The following MYBPC1 variants were observed in gnomAD, a reference collection of about 807,000 sequenced individuals.
The protein encoded by MYBPC1 is myosin-binding protein C, slow-type.
A neutral mutation model predicts 147.1 loss-of-function variants in MYBPC1; 52 were observed. The ratio of observed to expected loss-of-function variants is 0.35; its 90% confidence interval spans 0.28 to 0.45. The LOEUF is 0.45. MYBPC1 is among the 20% of genes least tolerant of loss of function. The probability of loss-of-function intolerance (pLI) is 1.00; values close to 1 mark genes in which losing one functional copy is unlikely to be tolerated. For synonymous variants in MYBPC1, 477 were observed against 475.9 expected (o/e 1.00, Z -0.03); for missense variants, 1,228 against 1,440.3 (o/e 0.85, Z 2.39).
In MYBPC1 at chr12:101,627,797, A is replaced by C; in HGVS notation, c.171A>C (p.Lys57Asn). 1 of 1,613,848 alleles carries C rather than the reference A, an allele frequency of 6.2e-7. No individual in the cohort carries two copies. The highest frequency in any genetic ancestry group is 1.1e-5 in the South Asian group (1 of 91,070). ...TGGGTAGTCGGGCCCTGGAGAGAAA[A>C]GATTCAGGTGAGCGCAAGCCCAGAG... ...PGLGSRALER[K>N]DSDWTLVETP... Residue 57 changes from lysine to asparagine, a missense_variant, in exon 5 of 32, where the codon AAA becomes AAC. By Grantham distance (94) the Lys-to-Asn change is moderately conservative (BLOSUM62 0). Around this residue, in one of 2 missense-constraint regions of MYBPC1, gnomAD observed 151 missense variants for 126.1 expected, o/e 1.20. Transcript: ENST00000361466.
chr12:101,633,365 A>C (rs949844643), intron 8 of MYBPC1, among the ~76,000 whole-genome samples: 27 of 152,130 alleles, frequency 1.8e-4, no homozygotes, highest in African/African-American at 6.3e-4. Flanking sequence ...AAAAGGTGGA[A>C]ATGATGAGGA....
At chr12:101,618,854 C>CGTGTGTGTGTGTGTGTGT (rs35811344) in intron 3 of MYBPC1, among the ~76,000 whole-genome samples, 1 of 136,798 alleles carries the variant, frequency 7.3e-6, no homozygotes, top group Non-Finnish European at 1.6e-5. Context: ...CAAAAACTGC[C>CGTGTGTGTGTGTGTGTGT]GTGTGTGTGT....
intron 10 of MYBPC1, among the ~76,000 whole-genome samples, chr12:101,641,617 C>T (rs1486729641): frequency 6.6e-6 from 1 of 152,138 alleles, no homozygotes; most frequent in Non-Finnish European, 1.5e-5. Context: ...GTGCCCTAAA[C>T]CATTTGCTTC....
At chr12:101,665,799 T>C (rs1369046683) in intron 22 of MYBPC1, among the ~76,000 whole-genome samples, 1 of 152,228 alleles carries the variant, frequency 6.6e-6, no homozygotes, top group African/African-American at 2.4e-5. Flanking sequence ...CACTTTCTCA[T>C]CCACTGTCTC....
chr12:101,622,728 C>T (rs1887709758), intron 3 of MYBPC1, among the ~76,000 whole-genome samples: 1 of 151,646 alleles, frequency 6.6e-6, no homozygotes, highest in African/African-American at 2.4e-5. Context: ...GAGTGAGACT[C>T]TGTCTAAAAA....
At chr12:101,655,342 G>A (rs1186504614) in intron 18 of MYBPC1, among the ~76,000 whole-genome samples, 4 of 152,018 alleles carry the variant, frequency 2.6e-5, no homozygotes. Context: ...AAATGTCTCA[G>A]ATAAAAAATA....
At position 101,642,555 on chromosome 12, in the gene MYBPC1, C is replaced by G. The variant is rs754912167; in HGVS notation, c.802C>G (p.Arg268Gly). The change falls in exon 11 of 32, where the codon CGC becomes GGC. Residue 268 changes from arginine (R) to glycine (G), a missense_variant. Transcript: ENST00000361466. The part of the protein sequence containing the change: ...DLRGMLKRLK[R>G]MRREEKKSAA... Reference sequence around the variant, plus strand: ...GCGCGGCATGCTCAAGCGACTCAAGCGCATGCGCAGAGAGGAGAAGAAGAG... The same window carrying G: ...GCGCGGCATGCTCAAGCGACTCAAGGGCATGCGCAGAGAGGAGAAGAAGAG... The G allele has an allele frequency of 6.2e-7, 1 of 1,612,756 alleles. No homozygotes were observed. Among genetic ancestry groups the G allele is most frequent in the Non-Finnish European group, 8.5e-7 (1 of 1,179,466 alleles).
chr12:101,683,412 C>T (rs577459700), intron 30 of MYBPC1, among the ~76,000 whole-genome samples: 24 of 151,914 alleles, frequency 1.6e-4, no homozygotes, highest in Non-Finnish European at 3.1e-4. Context: ...CAAAGTGAGA[C>T]TTTGTCTCAA....
At chr12:101,691,765 T>C in the MYBPC1 span, among the ~76,000 whole-genome samples, 1 of 152,270 alleles carries the variant, frequency 6.6e-6, no homozygotes, top group Non-Finnish European at 1.5e-5. Flanking sequence ...CCTGTGTGTC[T>C]GTAATCATTT....
At chr12:101,641,115 GAAAAAAAAAA>G (rs34380289) in intron 10 of MYBPC1, among the ~76,000 whole-genome samples, 2 of 105,964 alleles carry the variant, frequency 1.9e-5, no homozygotes, top group African/African-American at 7.2e-5. Flanking sequence ...CTGTCTCAAA[GAAAAAAAAAA>G]AAAAAAAAAG....
chr12:101,665,600 C>T (rs1897285207), intron 22 of MYBPC1, among the ~76,000 whole-genome samples: 1 of 152,140 alleles, frequency 6.6e-6, no homozygotes, highest in Non-Finnish European at 1.5e-5. Context: ...AAATAACTTA[C>T]ATGTTCCTTC....
chr12:101,694,940 T>C, the MYBPC1 span, among the ~76,000 whole-genome samples: 6 of 152,354 alleles, frequency 3.9e-5, no homozygotes, highest in East Asian at 7.7e-4. Context: ...CTTTTAGTTA[T>C]TGTACAGACA....
chr12:101,644,796 A>G lies in MYBPC1; in HGVS notation c.965A>G (p.Lys322Arg). ...GGTCAAGAAATTCGACCCAGTACCAAGTAAGTGGGCTTTGCAAAAATCAGT... is the reference window on the plus strand; with the variant it reads ...GGTCAAGAAATTCGACCCAGTACCAGGTAAGTGGGCTTTGCAAAAATCAGT... ...KNGQEIRPST[K>R]YIFEHKGCQR... is the part of the protein sequence containing the mutation. The change falls in exon 12 of 32, where the codon AAA (lysine) becomes AGA (arginine). Residue 322 changes from lysine to arginine, a missense_variant and splice_region_variant. This residue lies in a region of MYBPC1 where 1,077 missense variants were observed against 1,314.2 expected (regional missense o/e 0.82). Transcript: ENST00000361466. The G allele has an allele frequency of 3.1e-6, 5 of 1,613,738 alleles. No individual in the cohort carries two copies. The highest frequency in any genetic ancestry group is 4.2e-6 in the Non-Finnish European group (5 of 1,179,738).
intron 25 of MYBPC1, among the ~76,000 whole-genome samples, chr12:101,674,958 A>T (rs564699547): frequency 1.3e-5 from 2 of 152,064 alleles, no homozygotes; most frequent in South Asian, 4.2e-4. Flanking sequence ...ATTTCAGTAA[A>T]TTTGCTGAAA....
At position 101,678,232 on chromosome 12, in the gene MYBPC1, T is replaced by A; in HGVS notation, c.3240T>A (p.Asn1080Lys). Residue 1080 changes from asparagine to lysine, a missense_variant, in exon 28 of 32, where the codon AAT becomes AAA. Transcript: ENST00000361466. ...NATLNCSVRG[N>K]PKPKITWMKN... ...CCCTAAACTGCAGTGTGAGAGGAAA[T>A]CCTAAGGTACCATGTTCTTCTATCA... is the stretch of plus-strand genomic sequence containing the variant. 6.2e-7 allele frequency: 1 copy of A among 1,614,118 alleles called. No individual in the cohort carries two copies. Among genetic ancestry groups the A allele is most frequent in the Non-Finnish European group, 8.5e-7 (1 of 1,179,952 alleles).
chr12:101,607,623 TGTC>T (rs1287116033), intron 1 of MYBPC1, among the ~76,000 whole-genome samples: 1 of 152,208 alleles, frequency 6.6e-6, no homozygotes, highest in African/African-American at 2.4e-5. Context: ...TGTCTTCTTC[TGTC>T]TTTTTTATGC....
Position 101,653,194 on chromosome 12 carries a change from G to A in MYBPC1, c.1713G>A (p.Glu571=). The A allele has an allele frequency of 5.6e-6, 9 of 1,614,128 alleles. No homozygotes were observed. Among genetic ancestry groups the A allele is most frequent in the Non-Finnish European group, 7.6e-6 (9 of 1,180,040 alleles). Residue 571 remains glutamate (E), a synonymous_variant, in exon 18 of 32, where the codon GAG becomes GAA. Transcript: ENST00000361466. ...TTGCAGGAAACAAGCTTCGTCTTGAGATCCCCATCAGCGGAGAACCACCTC... is the reference window on the plus strand; with the variant it reads ...TTGCAGGAAACAAGCTTCGTCTTGAAATCCCCATCAGCGGAGAACCACCTC... ...TVIAGNKLRL[E]IPISGEPPPK... is the part of the protein sequence containing the mutation.
At chr12:101,666,583 A>AC in intron 22 of MYBPC1, 2 of 686,652 alleles carry the variant, frequency 2.9e-6, no homozygotes, top group South Asian at 1.6e-5. Context: ...CTCCTGAGGA[A>AC]CCCCCCTAAC....
At chr12:101,673,071 G>C (rs1411314626) in intron 24 of MYBPC1, among the ~76,000 whole-genome samples, 1 of 152,172 alleles carries the variant, frequency 6.6e-6, no homozygotes, top group East Asian at 1.9e-4. Flanking sequence ...CAATTATCCT[G>C]TGTTGTGCAG....
Sources: allele counts gnomAD v4.1 joint callset (sites outside exome capture counted in the v4.1 genomes callset), GRCh38; gene constraint gnomAD v4.1.1; regional missense constraint gnomAD v4.1.1; transcripts MANE v1.5; gene names NCBI Gene and HGNC (gene_info 2026-07-23, HGNC 2026-07-21).